Variants in ADAMTS12 observed in about 807,000 individuals in gnomAD.
ADAMTS12 encodes A disintegrin and metalloproteinase with thrombospondin motifs 12.
In ADAMTS12, 118 loss-of-function variants were observed where a neutral mutation model predicts 167.8. The ratio of observed to expected loss-of-function variants is 0.70; its 90% CI spans 0.61 to 0.82. The LOEUF (loss-of-function observed/expected upper bound fraction) is 0.82. Among genes scored for constraint, ADAMTS12 ranks in the 40% least tolerant of loss-of-function variants. The pLI is 0.00. For missense variants in ADAMTS12, 1,916 were observed against 1,998.8 expected (o/e 0.96, Z 0.79); for synonymous variants, 704 against 716.9 (o/e 0.98, Z 0.29).
At chr5:33,535,023 G>A in intron 22 of ADAMTS12, 31 bp from the exon 23 acceptor site, 1 of 1,566,886 alleles carries the variant, frequency 6.4e-7, no homozygotes, top group Non-Finnish European at 8.6e-7. Context: ...AGAGTCAGAA[G>A]TCCTCCCCAC....
intron 16 of ADAMTS12, among the ~76,000 whole-genome samples, chr5:33,612,509 G>T (rs1432764818): frequency 1.3e-5 from 2 of 152,148 alleles, no homozygotes; most frequent in Non-Finnish European, 2.9e-5. Flanking sequence ...AGGAGTCCCT[G>T]CCATCAGCAC....
intron 16 of ADAMTS12, among the ~76,000 whole-genome samples, chr5:33,607,522 A>G (rs567127723): frequency 6.6e-6 from 1 of 152,284 alleles, no homozygotes; most frequent in East Asian, 1.9e-4. Context: ...GAATTTTACA[A>G]TAGTTTTTTT....
intron 13 of ADAMTS12, 103 bp downstream of exon 13, chr5:33,630,677 A>G: frequency 2.5e-6 from 3 of 1,209,194 alleles, no homozygotes; most frequent in Non-Finnish European, 3.5e-6. Flanking sequence ...AAAACAGATG[A>G]GGTGTAAATG....
chr5:33,642,093 CAG>C lies in ADAMTS12; in HGVS notation c.1573-140_1573-139del, dbSNP rs1197511908. 1.7e-5 allele frequency: 14 copies of C among 830,252 alleles called. No homozygotes were observed. The South Asian group carries it at 2.5e-4, about 15-fold the overall frequency. 51.4% of individuals were successfully genotyped at this position (830,252 alleles called of 1,614,324 possible). On this transcript the variant is annotated intron_variant, in intron 10 of 23. Transcript: ENST00000504830. ...AGTCACATATCAGATGTAAAACAAA[CAG>C]GGGCTCATATAAGTTTCTGCCAAGA...
chr5:33,560,660 C>T (rs934967166), intron 20 of ADAMTS12, among the ~76,000 whole-genome samples: 13 of 150,788 alleles, frequency 8.6e-5, no homozygotes, highest in Non-Finnish European at 1.9e-4. Context: ...TATCAGCAAA[C>T]TATCACAAGG....
chr5:33,751,670 T>C (rs1744987458), intron 2 of ADAMTS12, 122 bp from the exon 3 acceptor site: 1 of 891,810 alleles, frequency 1.1e-6, no homozygotes, highest in Non-Finnish European at 1.7e-6. Context: ...GCTTTCAGAG[T>C]CTGCTGTTCG....
At chr5:33,772,108 C>T (rs78229099) in intron 2 of ADAMTS12, among the ~76,000 whole-genome samples, 7,638 of 152,154 alleles carry the variant, frequency 0.05, 685 homozygotes, top group African/African-American at 0.18. Flanking sequence ...ATCCTCTCTG[C>T]GGCCTCCCAA....
intron 2 of ADAMTS12, among the ~76,000 whole-genome samples, chr5:33,842,666 G>A (rs562704732): frequency 2.6e-5 from 4 of 152,234 alleles, no homozygotes; most frequent in Non-Finnish European, 5.9e-5. Context: ...GTGGGAGGCA[G>A]GCATGGTGCC....
chr5:33,837,717 C>T (rs1748587786), intron 2 of ADAMTS12, among the ~76,000 whole-genome samples: 1 of 152,148 alleles, frequency 6.6e-6, no homozygotes, highest in Non-Finnish European at 1.5e-5. Context: ...ATGACAGTAA[C>T]AAAACCAAGG....
intron 2 of ADAMTS12, among the ~76,000 whole-genome samples, chr5:33,849,872 A>G (rs938118013): frequency 1.3e-5 from 2 of 151,600 alleles, no homozygotes; most frequent in Non-Finnish European, 2.9e-5. Flanking sequence ...CAATATATAT[A>G]TGTATTGCAT....
chr5:33,800,581 T>C (rs1374022), intron 2 of ADAMTS12, among the ~76,000 whole-genome samples: 15,564 of 152,214 alleles, frequency 0.1, 1,129 homozygotes, highest in East Asian at 0.34. Flanking sequence ...CCTGAGTGGT[T>C]TGGCATTAAT....
At chr5:33,624,534 G>T (rs1207063659) in intron 13 of ADAMTS12, among the ~76,000 whole-genome samples, 183 bp from the exon 14 acceptor site, 1 of 152,218 alleles carries the variant, frequency 6.6e-6, no homozygotes. Flanking sequence ...AATGGTAAAG[G>T]CACTACTTGC....
At chr5:33,569,339 G>A (rs972456082) in intron 19 of ADAMTS12, among the ~76,000 whole-genome samples, 2 of 152,188 alleles carry the variant, frequency 1.3e-5, no homozygotes, top group African/African-American at 4.8e-5. Flanking sequence ...TAACTGGGAG[G>A]CACCCCCCAG....
At chr5:33,591,279 T>G (rs1470438544) in intron 17 of ADAMTS12, among the ~76,000 whole-genome samples, 1 of 152,164 alleles carries the variant, frequency 6.6e-6, no homozygotes, top group African/African-American at 2.4e-5. Flanking sequence ...ATCAGTAGCT[T>G]CTACTGATTC....
At chr5:33,639,522 G>GT in intron 11 of ADAMTS12, among the ~76,000 whole-genome samples, 1 of 152,314 alleles carries the variant, frequency 6.6e-6, no homozygotes, top group Middle Eastern at 3.4e-3. Flanking sequence ...CGACTGGAAA[G>GT]TCCTTCTCAG....
At chr5:33,870,691 G>C (rs780425763) in intron 2 of ADAMTS12, among the ~76,000 whole-genome samples, 3 of 152,204 alleles carry the variant, frequency 2.0e-5, no homozygotes, top group Non-Finnish European at 4.4e-5. Flanking sequence ...AATCCCCAGT[G>C]TTGGTGGAGG....
At chr5:33,720,150 A>G (rs979828393) in intron 3 of ADAMTS12, among the ~76,000 whole-genome samples, 5 of 152,084 alleles carry the variant, frequency 3.3e-5, no homozygotes, top group Non-Finnish European at 5.9e-5. Context: ...ATTGTGACCA[A>G]TTCTCATTCC....
At chr5:33,585,584 C>T (rs146390225) in intron 18 of ADAMTS12, among the ~76,000 whole-genome samples, 1 of 152,332 alleles carries the variant, frequency 6.6e-6, no homozygotes, top group Non-Finnish European at 1.5e-5. Context: ...TCTCACAAGG[C>T]ATGTCCCTGA....
intron 3 of ADAMTS12, among the ~76,000 whole-genome samples, chr5:33,747,480 C>T (rs1744831317): frequency 6.6e-6 from 1 of 152,084 alleles, no homozygotes; most frequent in Non-Finnish European, 1.5e-5. Flanking sequence ...TTTGCATTAT[C>T]TGTTAAAGTC....
Sources: allele counts gnomAD v4.1 joint callset (sites outside exome capture counted in the v4.1 genomes callset), GRCh38; gene constraint gnomAD v4.1.1; transcripts MANE v1.5; gene names NCBI Gene and HGNC (gene_info 2026-07-23, HGNC 2026-07-21).